The following SHISA9 variants were observed in gnomAD, a reference collection of about 807,000 sequenced individuals.
The protein encoded by SHISA9 is protein shisa-9.
SHISA9 carries 13 observed loss-of-function variants against 38.0 expected under a neutral mutation model. That is an observed-to-expected ratio of 0.34 (90% CI 0.22 to 0.54). The LOEUF (loss-of-function observed/expected upper bound fraction) is 0.54, where lower values mean the gene tolerates loss of function less well. SHISA9 is among the 20% of genes least tolerant of loss of function. The pLI is 0.91. For synonymous variants in SHISA9, 275 were observed against 242.0 expected (o/e 1.14, Z -1.27); for missense variants, 538 against 575.8 (o/e 0.93, Z 0.67).
intron 2 of SHISA9, among the ~76,000 whole-genome samples, chr16:13,090,413 C>G (rs140047014): frequency 0.021 from 3,147 of 152,236 alleles, 50 homozygotes; most frequent in Admixed American, 0.047. Context: ...GTTAAAGTCT[C>G]CCATTATTAT....
At chr16:13,270,396 G>A in the SHISA9 span, among the ~76,000 whole-genome samples, 4 of 152,174 alleles carry the variant, frequency 2.6e-5, no homozygotes, top group African/African-American at 9.7e-5. Context: ...ACAAGGCAAA[G>A]CAGACTTGGA....
chr16:13,421,807 A>G, the SHISA9 span, among the ~76,000 whole-genome samples: 2 of 152,142 alleles, frequency 1.3e-5, no homozygotes, highest in Admixed American at 6.5e-5. Context: ...CTCACATGAA[A>G]TCTCATAAAA....
chr16:13,020,703 G>A (rs186394867), intron 2 of SHISA9, among the ~76,000 whole-genome samples: 3 of 152,230 alleles, frequency 2.0e-5, no homozygotes, highest in East Asian at 1.9e-4. Flanking sequence ...TCGTCTCTGC[G>A]TATCCTTTGT....
chr16:13,283,368 G>T, the SHISA9 span, among the ~76,000 whole-genome samples: 1 of 152,040 alleles, frequency 6.6e-6, no homozygotes. Context: ...GTATTAATCT[G>T]TTCTCACACT....
chr16:13,266,899 C>T, the SHISA9 span, among the ~76,000 whole-genome samples: 1 of 152,100 alleles, frequency 6.6e-6, no homozygotes, highest in Non-Finnish European at 1.5e-5. Flanking sequence ...GGCAAAAATT[C>T]ATGTTGATTC....
At chr16:13,429,679 C>A in the SHISA9 span, among the ~76,000 whole-genome samples, 1 of 152,090 alleles carries the variant, frequency 6.6e-6, no homozygotes, top group African/African-American at 2.4e-5. Context: ...TTGGGGGTTA[C>A]ATAACTCAAA....
intron 2 of SHISA9, among the ~76,000 whole-genome samples, chr16:12,977,711 G>A (rs1194603252): frequency 6.6e-6 from 1 of 152,028 alleles, no homozygotes; most frequent in African/African-American, 2.4e-5. Flanking sequence ...GCAAACTAAT[G>A]CAGGAACAGA....
chr16:13,172,506 T>G (rs1363901088), intron 2 of SHISA9, among the ~76,000 whole-genome samples: 2 of 152,240 alleles, frequency 1.3e-5, no homozygotes, highest in Admixed American at 6.5e-5. Context: ...GCAACCATCT[T>G]GACTTTGGTC....
At chr16:13,120,484 G>A (rs978255697) in intron 2 of SHISA9, among the ~76,000 whole-genome samples, 3 of 152,184 alleles carry the variant, frequency 2.0e-5, no homozygotes, top group Non-Finnish European at 2.9e-5. Flanking sequence ...TATGTAGGGC[G>A]GAGAACGCTG....
At chr16:13,352,104 C>CA in the SHISA9 span, among the ~76,000 whole-genome samples, 1 of 152,018 alleles carries the variant, frequency 6.6e-6, no homozygotes, top group East Asian at 1.9e-4. Flanking sequence ...CTTCTAACAC[C>CA]AAAACATTCC....
In SHISA9 at chr16:13,109,877, A is replaced by G. The variant is rs1184766244; in HGVS notation, c.692-93517A>G. On this transcript the variant is annotated intron_variant, in intron 2 of 4. Coordinates refer to ENST00000558583, the MANE Select transcript of SHISA9 (RefSeq NM_001145204.3). Reference sequence around the variant, plus strand: ...TTATTGCTGCATAATATTCCATCATATGGATAGACCACTCCATTCACACAT... The same window carrying G: ...TTATTGCTGCATAATATTCCATCATGTGGATAGACCACTCCATTCACACAT... Among the ~76,000 whole-genome samples, 2 of 152,146 alleles carry G rather than the reference A, an allele frequency of 1.3e-5. 1 individual carries two copies. Among genetic ancestry groups the G allele is most frequent in the African/African-American group, 4.8e-5 (2 of 41,430 alleles).
chr16:13,118,723 CTTTTTTCTTTTT>C (rs890523519), intron 2 of SHISA9, among the ~76,000 whole-genome samples: 1 of 95,706 alleles, frequency 1.0e-5, no homozygotes, highest in Non-Finnish European at 1.9e-5. Context: ...TCTTTCTTTT[CTTTTTTCTTTTT>C]TTTTTTTTTT....
intron 3 of SHISA9, among the ~76,000 whole-genome samples, chr16:13,207,910 G>C (rs2819643): frequency 0.27 from 41,454 of 151,986 alleles, 6,463 homozygotes; most frequent in African/African-American, 0.43. Context: ...CCTCCGATAA[G>C]CAGATTCATT....
chr16:13,276,279 A>G, the SHISA9 span, among the ~76,000 whole-genome samples: 9 of 146,152 alleles, frequency 6.2e-5, no homozygotes, highest in African/African-American at 2.5e-4. Flanking sequence ...ATTCCATCAT[A>G]TATATATATA....
intron 2 of SHISA9, among the ~76,000 whole-genome samples, chr16:12,991,056 G>A (rs757165548): frequency 2.6e-5 from 4 of 152,014 alleles, no homozygotes; most frequent in Non-Finnish European, 5.9e-5. Flanking sequence ...ATAAGCCTTC[G>A]TTAATTTGGA....
At chr16:13,258,250 T>C in the SHISA9 span, 1 of 152,190 alleles carries the variant, frequency 6.6e-6, no homozygotes, top group South Asian at 2.1e-4. Flanking sequence ...GTCATACTGG[T>C]ATAAAAAATT....
intron 2 of SHISA9, among the ~76,000 whole-genome samples, chr16:12,939,630 G>C (rs1441637070): frequency 1.3e-5 from 2 of 152,182 alleles, no homozygotes; most frequent in African/African-American, 4.8e-5. Flanking sequence ...GTTGGGATTT[G>C]AATCCCTAGA....
intron 2 of SHISA9, among the ~76,000 whole-genome samples, chr16:13,036,899 GT>G (rs982709430): frequency 6.6e-6 from 1 of 151,958 alleles, no homozygotes; most frequent in African/African-American, 2.4e-5. Context: ...TGCCTACTAC[GT>G]GCCAAATATC....
At chr16:13,291,283 AC>A in the SHISA9 span, among the ~76,000 whole-genome samples, 1 of 152,176 alleles carries the variant, frequency 6.6e-6, no homozygotes, top group Non-Finnish European at 1.5e-5. Context: ...AAAGCCAGTT[AC>A]TGAGCCAACC....
Sources: allele counts gnomAD v4.1 joint callset (sites outside exome capture counted in the v4.1 genomes callset), GRCh38; gene constraint gnomAD v4.1.1; transcripts MANE v1.5; gene names NCBI Gene and HGNC (gene_info 2026-07-23, HGNC 2026-07-21).